The following TUSC3 variants were observed in gnomAD, a reference collection of about 807,000 sequenced individuals.
TUSC3 encodes tumor suppressor candidate 3.
In TUSC3, 45 loss-of-function variants were observed where a neutral mutation model predicts 44.8. That is an observed-to-expected ratio of 1.00 (90% CI 0.79 to 1.29). The LOEUF is 1.29. Ranked by LOEUF, TUSC3 falls within the 50% of genes most tolerant of loss-of-function variation. The probability of loss-of-function intolerance (pLI) is 0.00; values close to 1 mark genes in which losing one functional copy is unlikely to be tolerated. For synonymous variants in TUSC3, 212 were observed against 152.9 expected (o/e 1.39, Z -2.85); for missense variants, 519 against 437.9 (o/e 1.19, Z -1.65).
intron 1 of TUSC3, among the ~76,000 whole-genome samples, chr8:15,455,866 G>A (rs1362875396): frequency 6.6e-6 from 1 of 152,188 alleles, no homozygotes; most frequent in Non-Finnish European, 1.5e-5. Context: ...CAGGCTAGGA[G>A]GATAGAGGAG....
At chr8:15,692,888 A>G (rs146334839) in intron 6 of TUSC3, among the ~76,000 whole-genome samples, 2 of 152,020 alleles carry the variant, frequency 1.3e-5, no homozygotes, top group Non-Finnish European at 2.9e-5. Flanking sequence ...CCTCTCGTTG[A>G]ATTGAGCCCT....
the TUSC3 span, among the ~76,000 whole-genome samples, chr8:15,800,671 G>A: frequency 2.4e-4 from 36 of 152,164 alleles, no homozygotes; most frequent in South Asian, 3.5e-3. Flanking sequence ...CCTGGTCTGT[G>A]CTATCTGCTC....
chr8:15,500,237 G>A (rs1286570552), intron 2 of TUSC3, among the ~76,000 whole-genome samples: 1 of 152,176 alleles, frequency 6.6e-6, no homozygotes, highest in Non-Finnish European at 1.5e-5. Context: ...TGTCAACTGG[G>A]TATTCTATCA....
chr8:15,768,022 G>C (rs1055563335), downstream of TUSC3, among the ~76,000 whole-genome samples: 4 of 152,162 alleles, frequency 2.6e-5, no homozygotes, highest in Admixed American at 2.6e-4. Flanking sequence ...TTCACATCTT[G>C]CTGATATTAA....
chr8:15,607,048 C>T (rs144390170), intron 1 of TUSC3, among the ~76,000 whole-genome samples: 39 of 151,976 alleles, frequency 2.6e-4, no homozygotes, highest in African/African-American at 9.2e-4. Flanking sequence ...ACAGACTACC[C>T]GCAAGTTTCA....
intron 6 of TUSC3, among the ~76,000 whole-genome samples, chr8:15,680,983 TATA>T (rs1808402768): frequency 6.6e-6 from 1 of 152,126 alleles, no homozygotes; most frequent in African/African-American, 2.4e-5. Flanking sequence ...TTCAATTTGC[TATA>T]ATAATATTTT....
At chr8:15,580,702 G>T (rs1803289806) in intron 1 of TUSC3, among the ~76,000 whole-genome samples, 1 of 99,742 alleles carries the variant, frequency 1.0e-5, no homozygotes, top group Admixed American at 1.1e-4. Flanking sequence ...TAGTCTGATG[G>T]GCTTCCCTTT....
chr8:15,672,841 C>T (rs1563165416), intron 5 of TUSC3, among the ~76,000 whole-genome samples: 1 of 151,986 alleles, frequency 6.6e-6, no homozygotes, highest in Non-Finnish European at 1.5e-5. Context: ...TCGTGCATTG[C>T]TCGTTCTTGT....
chr8:15,656,598 C>T (rs114905977), intron 3 of TUSC3, among the ~76,000 whole-genome samples: 2,097 of 152,316 alleles, frequency 0.014, 46 homozygotes, highest in African/African-American at 0.047. Context: ...CCCCACCCAC[C>T]TCTATAGCTT....
At chr8:15,819,744 C>G in the TUSC3 span, among the ~76,000 whole-genome samples, 3 of 152,124 alleles carry the variant, frequency 2.0e-5, no homozygotes, top group Non-Finnish European at 2.9e-5. Flanking sequence ...AAAGATGATG[C>G]AAAATGGTTA....
intron 6 of TUSC3, among the ~76,000 whole-genome samples, chr8:15,696,261 G>T (rs1809159599): frequency 6.6e-6 from 1 of 152,120 alleles, no homozygotes; most frequent in Non-Finnish European, 1.5e-5. Context: ...GCTGAGACTA[G>T]AACGGGCCAA....
intron 1 of TUSC3, among the ~76,000 whole-genome samples, chr8:15,596,416 T>C (rs369842067): frequency 1.3e-5 from 2 of 152,182 alleles, no homozygotes; most frequent in East Asian, 3.9e-4. Context: ...AAAGACCCTG[T>C]GTTCCTGGAT....
intron 6 of TUSC3, among the ~76,000 whole-genome samples, chr8:15,721,576 G>T (rs1380895824): frequency 1.3e-5 from 2 of 151,964 alleles, no homozygotes; most frequent in Non-Finnish European, 2.9e-5. Flanking sequence ...AAGCTATTCA[G>T]TTGAATTTTA....
intron 5 of TUSC3, among the ~76,000 whole-genome samples, chr8:15,670,546 G>A (rs763241297): frequency 2.0e-5 from 3 of 151,808 alleles, no homozygotes; most frequent in Non-Finnish European, 2.9e-5. Context: ...AAGAGGAATC[G>A]TGAATCTAAA....
At chr8:15,511,700 A>T (rs1249924856) in intron 2 of TUSC3, among the ~76,000 whole-genome samples, 1 of 151,902 alleles carries the variant, frequency 6.6e-6, no homozygotes, top group Non-Finnish European at 1.5e-5. Flanking sequence ...TAAAACCCCA[A>T]CTCTTCTAAA....
intron 1 of TUSC3, among the ~76,000 whole-genome samples, chr8:15,466,183 C>T (rs1027583231): frequency 6.6e-6 from 1 of 152,100 alleles, no homozygotes; most frequent in East Asian, 1.9e-4. Context: ...TGTTTTTCTC[C>T]TAAAGGCAGC....
chr8:15,852,037 C>T, the TUSC3 span, among the ~76,000 whole-genome samples: 2 of 152,102 alleles, frequency 1.3e-5, no homozygotes, highest in African/African-American at 4.8e-5. Context: ...GATTATGAGG[C>T]CTCCCCAGCC....
the TUSC3 span, among the ~76,000 whole-genome samples, chr8:15,824,353 G>A: frequency 6.6e-6 from 1 of 152,098 alleles, no homozygotes; most frequent in Non-Finnish European, 1.5e-5. Flanking sequence ...CAACTCCATT[G>A]GCAAGGTATG....
At chr8:15,656,649 G>A (rs140756391) in intron 3 of TUSC3, among the ~76,000 whole-genome samples, 2 of 152,296 alleles carry the variant, frequency 1.3e-5, no homozygotes, top group Middle Eastern at 3.4e-3. Flanking sequence ...CCAGGCCCAA[G>A]CCCACGCAAC....
Sources: gnomAD v4.1 joint callset for allele counts (sites outside exome capture counted in the v4.1 genomes callset) on GRCh38, gnomAD v4.1.1 for gene constraint, MANE v1.5 for transcripts, NCBI Gene and HGNC (gene_info 2026-07-23, HGNC 2026-07-21) for gene names.